Variants in TYW1 observed in about 807,000 individuals in gnomAD.
The protein encoded by TYW1 is S-adenosyl-L-methionine-dependent tRNA 4-demethylwyosine synthase TYW1.
In TYW1, 46 loss-of-function variants were observed where a neutral mutation model predicts 96.2. The observed-to-expected ratio is 0.48, with a 90% CI of 0.38 to 0.61. The LOEUF (loss-of-function observed/expected upper bound fraction) is 0.61, where lower values mean the gene tolerates loss of function less well. Ranked by LOEUF, TYW1 falls within the 20% of genes least tolerant of loss-of-function variation. The pLI is 0.00. For missense variants in TYW1, 684 were observed against 909.6 expected (o/e 0.75, Z 3.19); for synonymous variants, 274 against 323.0 (o/e 0.85, Z 1.63).
chr7:67,111,048 A>G (rs1269899121), intron 12 of TYW1, among the ~76,000 whole-genome samples: 1 of 152,176 alleles, frequency 6.6e-6, no homozygotes, highest in Admixed American at 6.6e-5. Context: ...AAAGAAACCG[A>G]CAAGATATAC....
chr7:67,073,698 C>T (rs1796109275), intron 10 of TYW1, among the ~76,000 whole-genome samples: 3 of 140,780 alleles, frequency 2.1e-5, no homozygotes, highest in Non-Finnish European at 3.0e-5. Context: ...TGCTTGAACC[C>T]AGGAGGTGGA....
chr7:67,137,647 GT>G (rs1437814967), intron 13 of TYW1, among the ~76,000 whole-genome samples: 1 of 152,142 alleles, frequency 6.6e-6, no homozygotes. Context: ...GGGAGGTGTG[GT>G]TGGGTGACTT....
intron 7 of TYW1, among the ~76,000 whole-genome samples, chr7:67,033,485 G>A (rs755980029): frequency 1.4e-4 from 22 of 152,188 alleles, no homozygotes; most frequent in African/African-American, 7.2e-5. Flanking sequence ...CTCTGAGGGC[G>A]GGGGATACAG....
intron 13 of TYW1, among the ~76,000 whole-genome samples, chr7:67,157,771 A>C (rs7349982): frequency 0.26 from 39,451 of 152,020 alleles, 5,605 homozygotes; most frequent in African/African-American, 0.38. Context: ...GATACCTTGA[A>C]AGTTTTGAGC....
chr7:67,076,070 G>T (rs1562999395), intron 10 of TYW1, among the ~76,000 whole-genome samples: 2 of 152,158 alleles, frequency 1.3e-5, no homozygotes, highest in Non-Finnish European at 2.9e-5. Context: ...TCTTTATTCG[G>T]AGGTGTTTTT....
intron 14 of TYW1, among the ~76,000 whole-genome samples, chr7:67,194,477 T>C (rs1388593578): frequency 6.6e-6 from 1 of 151,866 alleles, no homozygotes; most frequent in Non-Finnish European, 1.5e-5. Context: ...ATACAAAAAT[T>C]AGCCAGGCAT....
chr7:67,113,564 C>T (rs1375873272), intron 12 of TYW1, among the ~76,000 whole-genome samples: 1 of 152,118 alleles, frequency 6.6e-6, no homozygotes, highest in Non-Finnish European at 1.5e-5. Flanking sequence ...AGGAGAAAGG[C>T]TCTGGAGTCA....
At chr7:67,112,913 C>T (rs1438020972) in intron 12 of TYW1, among the ~76,000 whole-genome samples, 1 of 152,174 alleles carries the variant, frequency 6.6e-6, no homozygotes, top group Non-Finnish European at 1.5e-5. Flanking sequence ...CATAAAACTT[C>T]AGTAAGCCAA....
chr7:67,153,925 C>CTT (rs34003922), intron 13 of TYW1, among the ~76,000 whole-genome samples: 6,973 of 129,910 alleles, frequency 0.054, 363 homozygotes, highest in East Asian at 0.14. Context: ...TAACGACTTT[C>CTT]TTTTTTTTTT....
chr7:67,042,185 A>G (rs967156911), intron 7 of TYW1, among the ~76,000 whole-genome samples: 1 of 148,238 alleles, frequency 6.7e-6, no homozygotes, highest in Admixed American at 6.8e-5. Context: ...AGAATATAAT[A>G]TTAACTAATT....
In TYW1 at chr7:67,119,245, T is replaced by C. The variant is rs373842314; in HGVS notation, c.1698+1627T>C. 9.9e-5 allele frequency among the ~76,000 whole-genome samples: 15 copies of C among 152,216 alleles called. No individual in the cohort carries two copies. The South Asian group carries it at 3.1e-3, about 32-fold the overall frequency. ...TAAAAAAATGACAGTTTCCTGGTCCTCATGGCATCTGAGATCTGCTTGTTA... is the reference window on the plus strand; with the variant it reads ...TAAAAAAATGACAGTTTCCTGGTCCCCATGGCATCTGAGATCTGCTTGTTA... On this transcript the variant is annotated intron_variant, in intron 13 of 15. Coordinates refer to ENST00000359626, the MANE Select transcript of TYW1 (RefSeq NM_018264.4).
intron 15 of TYW1, among the ~76,000 whole-genome samples, chr7:67,237,422 C>T (rs993664275): frequency 3.3e-5 from 5 of 150,672 alleles, no homozygotes; most frequent in Admixed American, 6.6e-5. Flanking sequence ...ATGGCATGAA[C>T]GCAGGAGGCA....
At position 67,058,059 on chromosome 7, in the gene TYW1, C is replaced by T. The variant is rs113681930; in HGVS notation, c.1155+2172C>T. Among the ~76,000 whole-genome samples, 314 of 152,196 alleles carry T rather than the reference C, an allele frequency of 2.1e-3. 1 individual carries two copies. Among genetic ancestry groups the T allele is most frequent in the Non-Finnish European group, 3.8e-3 (256 of 67,990 alleles). ...ACGCCATTCTCCTGCCTCAGCCTCC[C>T]GAGTAGCTGGGACTACAGGCACCCG... On this transcript the variant is annotated intron_variant, in intron 9 of 15. Coordinates refer to ENST00000359626, the MANE Select transcript of TYW1 (RefSeq NM_018264.4).
chr7:67,182,418 G>T (rs11773730), intron 13 of TYW1, among the ~76,000 whole-genome samples: 42,742 of 151,978 alleles, frequency 0.28, 6,525 homozygotes, highest in African/African-American at 0.4. Flanking sequence ...TTTAAACTTA[G>T]CCAGGCGTGA....
chr7:67,100,294 A>G (rs975199843), intron 12 of TYW1, among the ~76,000 whole-genome samples: 5 of 152,142 alleles, frequency 3.3e-5, no homozygotes, highest in Non-Finnish European at 5.9e-5. Context: ...TTTGTGTCAT[A>G]CTGGGACTAG....
At chr7:67,014,637 A>G in intron 5 of TYW1, 76 bp downstream of exon 5, 1 of 1,508,156 alleles carries the variant, frequency 6.6e-7, no homozygotes, top group Non-Finnish European at 9.0e-7. Flanking sequence ...AAACACACAC[A>G]CGTGCACACA....
intron 3 of TYW1, among the ~76,000 whole-genome samples, chr7:67,006,464 G>A (rs1008126486): frequency 2.4e-5 from 3 of 126,856 alleles, no homozygotes; most frequent in African/African-American, 9.3e-5. Context: ...TTTTGAGATG[G>A]AGTCTCACCC....
chr7:67,118,449 G>C (rs566243252), intron 13 of TYW1, among the ~76,000 whole-genome samples: 2 of 152,114 alleles, frequency 1.3e-5, no homozygotes, highest in South Asian at 4.2e-4. Flanking sequence ...CAATGTAAAT[G>C]CCATGTAAGT....
intron 11 of TYW1, chr7:67,089,564 C>T (rs1028709735): frequency 3.3e-6 from 2 of 602,622 alleles, no homozygotes; most frequent in African/African-American, 3.8e-5. Context: ...TGCCGTCTGT[C>T]CTGGGTCTGG....
Sources: gnomAD v4.1 joint callset for allele counts (sites outside exome capture counted in the v4.1 genomes callset) on GRCh38, gnomAD v4.1.1 for gene constraint, MANE v1.5 for transcripts, NCBI Gene and HGNC (gene_info 2026-07-23, HGNC 2026-07-21) for gene names.